The following EVL variants were observed in gnomAD, a reference collection of about 807,000 sequenced individuals.
EVL encodes the protein ena/VASP-like protein.
A neutral mutation model predicts 59.6 loss-of-function variants in EVL; 21 were observed. That is an observed-to-expected ratio of 0.35 (90% confidence interval 0.25 to 0.51). The LOEUF (loss-of-function observed/expected upper bound fraction) is 0.51. Among genes scored for constraint, EVL ranks in the 20% least tolerant of loss-of-function variants. EVL has a pLI of 0.97. For synonymous variants in EVL, 198 were observed against 203.5 expected (o/e 0.97, Z 0.23); for missense variants, 462 against 546.6 (o/e 0.85, Z 1.54).
Position 100,072,228 on chromosome 14 carries a change from T to G in EVL, c.11+6717T>G, listed in dbSNP as rs184123954. On this transcript the variant is annotated intron_variant, in intron 1 of 13. Transcript: ENST00000392920. ...AAACATTTTGTAAAAATTGGGTAACTTTTTTGTTGTTGTTGCATCGGAGTC... is the reference window on the plus strand; with the variant it reads ...AAACATTTTGTAAAAATTGGGTAACGTTTTTGTTGTTGTTGCATCGGAGTC... 1.1e-4 allele frequency among the ~76,000 whole-genome samples: 17 copies of G among 152,318 alleles called. No homozygotes were observed. In the South Asian group the frequency reaches 2.5e-3, roughly 22 times the overall value.
chr14:100,045,851 C>T (rs8016409), intron 1 of EVL, among the ~76,000 whole-genome samples: 93,504 of 152,084 alleles, frequency 0.61, 32,038 homozygotes, highest in Non-Finnish European at 0.75. Flanking sequence ...TCTTGGAATG[C>T]TCTGAGGCCT....
At chr14:100,083,203 C>T (rs1360567574) in intron 1 of EVL, among the ~76,000 whole-genome samples, 4 of 152,166 alleles carry the variant, frequency 2.6e-5, no homozygotes, top group East Asian at 3.8e-4. Flanking sequence ...GCTCCTGAGA[C>T]AGCATCCAGA....
chr14:100,074,084 C>T (rs1041993051), intron 1 of EVL, among the ~76,000 whole-genome samples: 2 of 152,150 alleles, frequency 1.3e-5, no homozygotes, highest in African/African-American at 4.8e-5. Flanking sequence ...GGCCCGGAAA[C>T]TGATTTCCCA....
intron 3 of EVL, among the ~76,000 whole-genome samples, chr14:100,119,764 T>C (rs1410034318): frequency 1.3e-5 from 2 of 152,198 alleles, no homozygotes; most frequent in Non-Finnish European, 2.9e-5. Context: ...GTATTAGGAC[T>C]CCCATTTTAC....
chr14:100,025,797 A>G (rs930760929), intron 1 of EVL, among the ~76,000 whole-genome samples: 6 of 152,318 alleles, frequency 3.9e-5, no homozygotes, highest in African/African-American at 1.4e-4. Flanking sequence ...TTAGCCAGGC[A>G]TAGTGGCGCA....
At position 99,999,767 on chromosome 14, in the gene EVL, A is replaced by G. The variant is rs112241193; in HGVS notation, c.5+27710A>G. Among the ~76,000 whole-genome samples, 170 of 152,338 alleles carry G rather than the reference A, an allele frequency of 1.1e-3. 4 individuals are homozygous for G. Among genetic ancestry groups the G allele is most frequent in the African/African-American group, 3.7e-3 (155 of 41,566 alleles). The stretch of plus-strand genomic sequence containing the variant: ...CCCTGGAGCTTACTATGAAGAGGGC[A>G]TACTGTGGTGGGGGGTCACTCTCTT... On this transcript the variant is annotated intron_variant, in intron 1 of 13. Transcript: ENST00000402714.
intron 1 of EVL, among the ~76,000 whole-genome samples, chr14:99,980,819 G>C (rs989524162): frequency 6.6e-6 from 1 of 152,158 alleles, no homozygotes; most frequent in South Asian, 2.1e-4. Context: ...AATTTGAGCG[G>C]CATCATTGAT....
intron 2 of EVL, among the ~76,000 whole-genome samples, chr14:100,089,776 T>G (rs968492086): frequency 6.6e-5 from 10 of 152,080 alleles, no homozygotes; most frequent in Non-Finnish European, 1.5e-4. Flanking sequence ...CAACAAAAAA[T>G]TTTTTAATTA....
chr14:100,073,390 C>G (rs56022633), intron 1 of EVL, among the ~76,000 whole-genome samples: 1 of 149,468 alleles, frequency 6.7e-6, no homozygotes, highest in Non-Finnish European at 1.5e-5. Context: ...GGTGCAAACA[C>G]GGTTCACTGC....
chr14:100,006,014 C>T (rs866398742), intron 1 of EVL, among the ~76,000 whole-genome samples: 2 of 149,720 alleles, frequency 1.3e-5, no homozygotes, highest in South Asian at 2.1e-4. Context: ...CCATTTCCCC[C>T]CCCCCCCCCA....
At chr14:99,987,429 G>T (rs1191476400) in intron 1 of EVL, among the ~76,000 whole-genome samples, 2 of 152,052 alleles carry the variant, frequency 1.3e-5, no homozygotes, top group Non-Finnish European at 2.9e-5. Context: ...ATCAACTGAG[G>T]TCAGGAGTTT....
intron 1 of EVL, among the ~76,000 whole-genome samples, chr14:100,077,957 A>G (rs2062201693): frequency 6.6e-6 from 1 of 151,712 alleles, no homozygotes; most frequent in African/African-American, 2.4e-5. Context: ...TTGTATTTTT[A>G]GTAGAGATGG....
intron 1 of EVL, among the ~76,000 whole-genome samples, chr14:100,080,380 T>C (rs1291264954): frequency 6.6e-6 from 1 of 152,206 alleles, no homozygotes; most frequent in African/African-American, 2.4e-5. Flanking sequence ...GATTGTGGCT[T>C]TTCCCATCTT....
At chr14:100,032,957 A>G (rs1006747756) in intron 1 of EVL, among the ~76,000 whole-genome samples, 4 of 150,856 alleles carry the variant, frequency 2.7e-5, no homozygotes, top group Non-Finnish European at 5.9e-5. Context: ...AACCTCCTGC[A>G]TTATCCTTGT....
intron 1 of EVL, among the ~76,000 whole-genome samples, chr14:100,049,818 C>G (rs1224405466): frequency 1.3e-5 from 2 of 152,184 alleles, no homozygotes; most frequent in Non-Finnish European, 2.9e-5. Flanking sequence ...CCTCTCCTCA[C>G]CAGCCCTAGG....
chr14:100,120,467 G>T (rs1887626023), intron 3 of EVL, among the ~76,000 whole-genome samples: 1 of 152,218 alleles, frequency 6.6e-6, no homozygotes, highest in South Asian at 2.1e-4. Context: ...AAAGCTGTCA[G>T]TTTTTAAGAG....
chr14:100,020,160 C>T (rs2061095982), intron 1 of EVL, among the ~76,000 whole-genome samples: 1 of 152,136 alleles, frequency 6.6e-6, no homozygotes, highest in East Asian at 1.9e-4. Context: ...TTCTTGTCTT[C>T]ATTATTTTTA....
At chr14:100,030,034 C>T (rs2061285139) in intron 1 of EVL, among the ~76,000 whole-genome samples, 1 of 151,990 alleles carries the variant, frequency 6.6e-6, no homozygotes, top group Admixed American at 6.6e-5. Flanking sequence ...GGTTGCCTTA[C>T]CTGTAAAATG....
At chr14:100,039,848 C>T (rs896144527) in intron 1 of EVL, among the ~76,000 whole-genome samples, 4 of 151,992 alleles carry the variant, frequency 2.6e-5, no homozygotes, top group Admixed American at 2.0e-4. Flanking sequence ...TGCAGTGACG[C>T]GATCATGGGT....
Sources: gnomAD v4.1 joint callset for allele counts (sites outside exome capture counted in the v4.1 genomes callset) on GRCh38, gnomAD v4.1.1 for gene constraint, MANE v1.5 for transcripts, NCBI Gene and HGNC (gene_info 2026-07-23, HGNC 2026-07-21) for gene names.